The following CCDC178 variants were observed in gnomAD, a reference collection of about 807,000 sequenced individuals.
CCDC178 encodes the protein coiled-coil domain-containing protein 178.
CCDC178 carries 126 observed loss-of-function variants against 117.4 expected under a neutral mutation model. The ratio of observed to expected loss-of-function variants is 1.07; its 90% CI spans 0.93 to 1.24. CCDC178 has a LOEUF of 1.24. Among genes scored for constraint, CCDC178 ranks in the 50% most tolerant of loss-of-function variants. The pLI is 0.00. For missense variants in CCDC178, 1,030 were observed against 986.9 expected (o/e 1.04, Z -0.59); for synonymous variants, 283 against 313.4 (o/e 0.90, Z 1.02).
chr18:33,191,055 T>C (rs572030613), intron 20 of CCDC178, among the ~76,000 whole-genome samples: 79 of 152,292 alleles, frequency 5.2e-4, no homozygotes, highest in African/African-American at 1.9e-3. Context: ...AATTATACTA[T>C]TAAACTTATA....
At chr18:33,120,749 C>T (rs1305357476) in intron 20 of CCDC178, among the ~76,000 whole-genome samples, 3 of 152,060 alleles carry the variant, frequency 2.0e-5, no homozygotes, top group African/African-American at 7.2e-5. Context: ...TTTATACATA[C>T]AATAACCAAA....
At chr18:33,379,172 T>A (rs8097728) in intron 5 of CCDC178, among the ~76,000 whole-genome samples, 7 of 133,186 alleles carry the variant, frequency 5.3e-5, no homozygotes, top group African/African-American at 1.9e-4. Flanking sequence ...TCCATATATA[T>A]AATATATATA....
chr18:32,939,775 G>C (rs762149754), intron 22 of CCDC178, among the ~76,000 whole-genome samples: 47 of 152,104 alleles, frequency 3.1e-4, no homozygotes, highest in Non-Finnish European at 3.7e-4. Context: ...GCATCCATGA[G>C]TTCCGGCTTC....
intron 21 of CCDC178, among the ~76,000 whole-genome samples, chr18:33,069,768 C>A (rs2057077610): frequency 6.6e-6 from 1 of 151,906 alleles, no homozygotes; most frequent in Admixed American, 6.6e-5. Context: ...AAAATGTTTG[C>A]AAACTATCCA....
chr18:33,398,469 G>C (rs182850949), intron 3 of CCDC178, among the ~76,000 whole-genome samples: 13 of 152,166 alleles, frequency 8.5e-5, no homozygotes, highest in South Asian at 8.3e-4. Context: ...TGCAAAAACA[G>C]AATATCCCGA....
chr18:33,110,474 C>T (rs2057766074), intron 20 of CCDC178, among the ~76,000 whole-genome samples: 1 of 151,500 alleles, frequency 6.6e-6, no homozygotes, highest in Non-Finnish European at 1.5e-5. Flanking sequence ...CTGGCAATTA[C>T]AAAATAAATC....
chr18:33,004,009 T>A (rs183700120), intron 21 of CCDC178, among the ~76,000 whole-genome samples: 1 of 152,124 alleles, frequency 6.6e-6, no homozygotes, highest in Non-Finnish European at 1.5e-5. Context: ...AAAACATTGA[T>A]GAAAGAAATT....
At chr18:33,353,919 G>A (rs773932939) in intron 7 of CCDC178, among the ~76,000 whole-genome samples, 2 of 151,962 alleles carry the variant, frequency 1.3e-5, no homozygotes, top group Non-Finnish European at 2.9e-5. Flanking sequence ...TTACTCTCTA[G>A]TGTCGTTTCA....
intron 20 of CCDC178, among the ~76,000 whole-genome samples, chr18:33,138,655 T>C (rs943556391): frequency 1.3e-4 from 20 of 152,252 alleles, no homozygotes; most frequent in African/African-American, 4.8e-4. Context: ...TCAAGGGCTT[T>C]ATTTCATTTC....
intron 5 of CCDC178, among the ~76,000 whole-genome samples, chr18:33,380,244 G>A (rs1021148208): frequency 1.3e-5 from 2 of 152,198 alleles, no homozygotes; most frequent in African/African-American, 4.8e-5. Context: ...TGTGATGAGG[G>A]AGAATACAAT....
intron 11 of CCDC178, among the ~76,000 whole-genome samples, chr18:33,315,932 A>AAC: frequency 6.6e-6 from 1 of 152,338 alleles, no homozygotes; most frequent in African/African-American, 2.4e-5. Flanking sequence ...CTTCATCACA[A>AAC]ACCCTTGTAG....
At chr18:33,089,586 C>A (rs966503245) in intron 21 of CCDC178, among the ~76,000 whole-genome samples, 3 of 152,138 alleles carry the variant, frequency 2.0e-5, no homozygotes, top group South Asian at 2.1e-4. Flanking sequence ...TAAAGCTTTA[C>A]AAATGGCTAA....
At chr18:33,281,099 T>TAAA (rs1409270862) in intron 12 of CCDC178, among the ~76,000 whole-genome samples, 4 of 150,758 alleles carry the variant, frequency 2.7e-5, no homozygotes, top group African/African-American at 9.8e-5. Context: ...ACTTAAAGTA[T>TAAA]AATAATAATA....
At chr18:33,247,930 T>A (rs2059570213) in intron 14 of CCDC178, among the ~76,000 whole-genome samples, 2 of 151,818 alleles carry the variant, frequency 1.3e-5, no homozygotes, top group Non-Finnish European at 2.9e-5. Flanking sequence ...TAGAGAAATT[T>A]TCCATACTCC....
intron 20 of CCDC178, among the ~76,000 whole-genome samples, chr18:33,156,972 A>T (rs1197177946): frequency 6.6e-6 from 1 of 152,206 alleles, no homozygotes; most frequent in Non-Finnish European, 1.5e-5. Context: ...GGAGGAAGAT[A>T]GGTTAAAACT....
intron 10 of CCDC178, among the ~76,000 whole-genome samples, chr18:33,327,178 C>T (rs1171758081): frequency 6.6e-6 from 1 of 152,192 alleles, no homozygotes; most frequent in African/African-American, 2.4e-5. Flanking sequence ...ACCTATACTG[C>T]ATCTTTTATA....
intron 20 of CCDC178, among the ~76,000 whole-genome samples, chr18:33,160,668 C>T (rs954798601): frequency 2.6e-5 from 4 of 152,090 alleles, no homozygotes; most frequent in Non-Finnish European, 4.4e-5. Context: ...AACATCATTG[C>T]TCACAGAACA....
intron 19 of CCDC178, among the ~76,000 whole-genome samples, chr18:33,213,041 T>A (rs2144593366): frequency 6.6e-6 from 1 of 152,100 alleles, no homozygotes; most frequent in Non-Finnish European, 1.5e-5. Context: ...TGGGAAGGAC[T>A]AAACTAATAT....
intron 11 of CCDC178, among the ~76,000 whole-genome samples, chr18:33,311,131 G>A (rs1568135681): frequency 6.6e-6 from 1 of 152,140 alleles, no homozygotes; most frequent in Non-Finnish European, 1.5e-5. Flanking sequence ...AAGATGTTCA[G>A]TCCCTTTGGT....
Sources: gnomAD v4.1 joint callset for allele counts (sites outside exome capture counted in the v4.1 genomes callset) on GRCh38, gnomAD v4.1.1 for gene constraint, MANE v1.5 for transcripts, NCBI Gene and HGNC (gene_info 2026-07-23, HGNC 2026-07-21) for gene names.